The following CHIC1 variants were observed in gnomAD, a reference collection of about 807,000 sequenced individuals.
The protein encoded by CHIC1 is cysteine rich hydrophobic domain 1.
CHIC1 carries 7 observed loss-of-function variants against 18.5 expected under a neutral mutation model. The ratio of observed to expected loss-of-function variants is 0.38; its 90% CI spans 0.22 to 0.71. CHIC1 has a LOEUF of 0.71. Among genes scored for constraint, CHIC1 ranks in the 30% least tolerant of loss-of-function variants. The pLI is 0.49. For synonymous variants in CHIC1, 77 were observed against 73.5 expected, an observed-to-expected ratio of 1.05 and a Z score of -0.25; for missense variants, 159 against 176.9, an observed-to-expected ratio of 0.90 and a Z score of 0.57.
Position 73,563,523 on chromosome X carries a change from A to T in CHIC1, c.239A>T (p.His80Leu). The change falls in exon 1 of 6, where the codon CAT (histidine) becomes CTT (leucine). Residue 80 changes from histidine to leucine, a missense_variant. Physicochemically the swap from His to Leu is moderately conservative, Grantham distance 99 (BLOSUM62 -3). Transcript: ENST00000373502. ...CCGCCTCGGGTAGTGAGCGAGGAGCATCTGCGGAGATATGCTCCCGACCCT... is the reference window on the plus strand; with the variant it reads ...CCGCCTCGGGTAGTGAGCGAGGAGCTTCTGCGGAGATATGCTCCCGACCCT... ...PPPPRVVSEE[H>L]LRRYAPDPVL... The T allele has an allele frequency of 8.7e-7, 1 of 1,152,233 alleles. No individual in the cohort carries two copies. Among genetic ancestry groups the T allele is most frequent in the African/African-American group, 1.8e-5 (1 of 56,334 alleles). The allele number at this position is 1,152,233 out of a possible 1,213,427, so 95.0% of individuals were successfully genotyped here.
chrX:73,675,928 TG>T (rs1353139797), intron 3 of CHIC1, among the ~76,000 whole-genome samples: 1 of 110,505 alleles, frequency 9.0e-6, no homozygotes, highest in African/African-American at 3.3e-5. Context: ...GCAGGCCTGG[TG>T]GTGACAAAAT....
In CHIC1 at chrX:73,685,883, TAGGG is replaced by T. The variant is rs752130496; in HGVS notation, c.*4882_*4885del. ...TAATTGTATTATGTTAATACATACT[TAGGG>T]AGGAAAAGCAGGTGGATGTAAATCA... On this transcript the variant is annotated 3_prime_UTR_variant, in exon 6 of 6. Coordinates refer to ENST00000373502, the MANE Select transcript of CHIC1 (RefSeq NM_001039840.4). The T allele has an allele frequency of 9.0e-5, 10 of 111,501 alleles. No homozygotes were observed. In the East Asian group the frequency reaches 2.8e-3, roughly 32 times the overall value. 9.2% of individuals were successfully genotyped at this position (111,501 alleles called of 1,213,427 possible). A position where few individuals can be genotyped will look rare whatever the true frequency, so the allele number is the denominator to read the frequency against.
intron 3 of CHIC1, among the ~76,000 whole-genome samples, chrX:73,672,180 T>A (rs1207349416): frequency 8.9e-6 from 1 of 112,160 alleles, no homozygotes; most frequent in African/African-American, 3.2e-5. Flanking sequence ...GTTGGACATT[T>A]GGGTTGGTTC....
chrX:73,648,461 G>C (rs1009597074), intron 3 of CHIC1, among the ~76,000 whole-genome samples: 1 of 111,751 alleles, frequency 8.9e-6, no homozygotes, highest in African/African-American at 3.3e-5. Context: ...AAGAAGCTAA[G>C]AAGGTAGATA....
chrX:73,618,518 C>T (rs1365772524), intron 3 of CHIC1, among the ~76,000 whole-genome samples: 1 of 111,125 alleles, frequency 9.0e-6, no homozygotes, highest in Non-Finnish European at 1.9e-5. Context: ...ATTATGGTTG[C>T]CTCTGCTGTG....
intron 3 of CHIC1, among the ~76,000 whole-genome samples, chrX:73,652,001 A>G (rs748879774): frequency 3.6e-5 from 4 of 112,293 alleles, no homozygotes; most frequent in Non-Finnish European, 5.6e-5. Flanking sequence ...ATGCAAGGCT[A>G]CAGTAACCAA....
chrX:73,600,347 C>T (rs2147565199), intron 3 of CHIC1, among the ~76,000 whole-genome samples: 1 of 96,563 alleles, frequency 1.0e-5, no homozygotes, highest in African/African-American at 4.2e-5. Context: ...CCTGATTGCC[C>T]TGGCCAGAAC....
chrX:73,640,725 T>G (rs1410385102), intron 3 of CHIC1, among the ~76,000 whole-genome samples: 1 of 111,784 alleles, frequency 8.9e-6, no homozygotes, highest in Non-Finnish European at 1.9e-5. Context: ...CTAATTGTAT[T>G]TATTTGGATC....
intron 3 of CHIC1, among the ~76,000 whole-genome samples, chrX:73,612,191 T>A (rs1027196235): frequency 2.7e-5 from 3 of 111,975 alleles, no homozygotes; most frequent in African/African-American, 6.5e-5. Flanking sequence ...TTGAATTAAT[T>A]TTTGTATAAG....
rs145175176 is a variant in CHIC1 at position 73,666,464 on chromosome X, T to C, written c.508-12862T>C. Among the ~76,000 whole-genome samples, 721 of 111,893 alleles carry C rather than the reference T, an allele frequency of 6.4e-3. 8 individuals carry two copies. Among genetic ancestry groups the C allele is most frequent in the African/African-American group, 0.022 (675 of 30,790 alleles). On this transcript the variant is annotated intron_variant, in intron 3 of 5. Coordinates refer to ENST00000373502, the MANE Select transcript of CHIC1 (RefSeq NM_001039840.4). ...GCTGGGAGGCTAGGCCAGTCTCTCC[T>C]TTTCACATTTTTCTGCCTGCTTTAT... is the stretch of plus-strand genomic sequence containing the variant.
At chrX:73,645,026 C>A in intron 3 of CHIC1, among the ~76,000 whole-genome samples, 1 of 112,269 alleles carries the variant, frequency 8.9e-6, no homozygotes, top group East Asian at 2.8e-4. Context: ...CCTGGTACCT[C>A]AGATGGAAAT....
intron 3 of CHIC1, among the ~76,000 whole-genome samples, chrX:73,626,233 A>G (rs2057782843): frequency 9.0e-6 from 1 of 111,690 alleles, no homozygotes; most frequent in East Asian, 2.8e-4. Flanking sequence ...TTCTTTCTGT[A>G]TTGTTTACCT....
chrX:73,602,669 A>T, intron 3 of CHIC1, among the ~76,000 whole-genome samples: 1 of 108,555 alleles, frequency 9.2e-6, no homozygotes, highest in South Asian at 3.8e-4. Flanking sequence ...TAAGTCTTTA[A>T]TCCATCTTGA....
chrX:73,603,497 TCTC>T (rs1377971713), intron 3 of CHIC1, among the ~76,000 whole-genome samples: 1 of 108,109 alleles, frequency 9.2e-6, no homozygotes, highest in African/African-American at 3.6e-5. Context: ...TTTATTTTCT[TCTC>T]TTGCCTGATT....
chrX:73,642,547 T>G (rs777049717), intron 3 of CHIC1, among the ~76,000 whole-genome samples: 88 of 103,959 alleles, frequency 8.5e-4, no homozygotes, highest in African/African-American at 2.6e-3. Context: ...GTCAATTTTG[T>G]CTTTTGTTGC....
intron 1 of CHIC1, among the ~76,000 whole-genome samples, chrX:73,575,027 C>T (rs2057490400): frequency 9.1e-6 from 1 of 109,736 alleles, no homozygotes; most frequent in African/African-American, 3.3e-5. Flanking sequence ...TAAAGTGACC[C>T]TACAACCAAG....
At chrX:73,631,802 G>A (rs1454624504) in intron 3 of CHIC1, among the ~76,000 whole-genome samples, 4 of 111,543 alleles carry the variant, frequency 3.6e-5, no homozygotes, top group Non-Finnish European at 5.6e-5. Context: ...CCCATTGGTT[G>A]TGCAGAAGTA....
intron 3 of CHIC1, among the ~76,000 whole-genome samples, chrX:73,654,429 C>T (rs746705980): frequency 9.0e-6 from 1 of 111,641 alleles, no homozygotes; most frequent in Non-Finnish European, 1.9e-5. Flanking sequence ...ACTAGATATT[C>T]ATTTTGCTAG....
chrX:73,678,782 T>C (rs2058084121), intron 3 of CHIC1, among the ~76,000 whole-genome samples: 1 of 112,235 alleles, frequency 8.9e-6, no homozygotes, highest in African/African-American at 3.2e-5. Flanking sequence ...TGGCTGTTTT[T>C]AACATGTTCT....
Sources: gnomAD v4.1 joint callset for allele counts (sites outside exome capture counted in the v4.1 genomes callset) on GRCh38, gnomAD v4.1.1 for gene constraint, MANE v1.5 for transcripts, NCBI Gene and HGNC (gene_info 2026-07-23, HGNC 2026-07-21) for gene names.